The following SCAP variants were observed in gnomAD, a reference collection of about 807,000 sequenced individuals.
SCAP encodes the protein sterol regulatory element-binding protein cleavage-activating protein.
Under a neutral mutation model 123.6 loss-of-function variants are expected in SCAP, and 65 were observed. The observed-to-expected ratio is 0.53, with a 90% confidence interval of 0.43 to 0.65. The LOEUF (loss-of-function observed/expected upper bound fraction) is 0.65, where lower values mean the gene tolerates loss of function less well. SCAP is among the 30% of genes least tolerant of loss of function. The pLI is 0.00. For synonymous variants in SCAP, 740 were observed against 726.3 expected, an observed-to-expected ratio of 1.02 and a Z score of -0.30; for missense variants, 1,398 against 1,712.5, an observed-to-expected ratio of 0.82 and a Z score of 3.24.
chr3:47,414,491 GC>G (rs1222785782), intron 21 of SCAP, 80 bp downstream of exon 21: 16 of 1,596,642 alleles, frequency 1.0e-5, no homozygotes, highest in Non-Finnish European at 1.4e-5. Context: ...TTCCTGGAAG[GC>G]CCCTGGGGAC....
intron 1 of SCAP, 183 bp from the exon 2 acceptor site, chr3:47,443,274 ACACTCTCTCTCTCTCTCT>A (rs1468726566): frequency 3.4e-5 from 3 of 89,370 alleles, no homozygotes; most frequent in African/African-American, 2.1e-4. Flanking sequence ...ACACACACAC[ACACTCTCTCTCTCTCTCT>A]CTCTCTCTCT....
intron 3 of SCAP, among the ~76,000 whole-genome samples, chr3:47,430,544 C>T (rs897058006): frequency 6.6e-6 from 1 of 152,114 alleles, no homozygotes; most frequent in African/African-American, 2.4e-5. Context: ...ACATCTGCAC[C>T]AAGGAAACCT....
Position 47,427,172 on chromosome 3 carries a change from T to C in SCAP, c.722A>G (p.Gln241Arg). 1 of 1,613,502 alleles carries C rather than the reference T, an allele frequency of 6.2e-7. No homozygotes were observed. The highest frequency in any genetic ancestry group is 8.5e-7 in the Non-Finnish European group (1 of 1,179,504). Reference sequence around the variant, plus strand: ...TCAATCTTACTTGGCATGGTAGTGCTGGAAGACCAGGGTGATGGTGTAGGA... The same window carrying C: ...TCAATCTTACTTGGCATGGTAGTGCCGGAAGACCAGGGTGATGGTGTAGGA... ...MVSYTITLVF[Q>R]HYHAKFLGSL... The change falls in exon 6 of 23, where the codon CAG becomes CGG. Residue 241 changes from glutamine (Q) to arginine (R), a missense_variant. By Grantham distance (43) the Gln-to-Arg change is conservative. Transcript: ENST00000265565.
Position 47,417,768 on chromosome 3 carries a change from G to A in SCAP, c.2506C>T (p.Arg836Ter), listed in dbSNP as rs1705664870. ...CCAGCCTTCCCACCATCTGAAAGTC[G>A]TTCCCAGCTCTCCTGAGCCTCAAGC... is the stretch of plus-strand genomic sequence containing the variant. ...SGLEAQESWERLSDGGKAGPE... is the reference protein window; with the variant it reads ...SGLEAQESWE The change falls in exon 17 of 23, where the codon CGA becomes TGA. Residue 836 changes from arginine (R) to a stop codon, truncating the protein, a stop_gained. Transcript: ENST00000265565. LOFTEE classifies it high-confidence loss of function. 3.1e-6 allele frequency: 5 copies of A among 1,591,932 alleles called. No homozygotes were observed. Among genetic ancestry groups the A allele is most frequent in the African/African-American group, 1.4e-5 (1 of 69,884 alleles).
intron 1 of SCAP, among the ~76,000 whole-genome samples, chr3:47,455,941 G>C (rs1707408314): frequency 6.6e-6 from 1 of 152,166 alleles, no homozygotes; most frequent in Non-Finnish European, 1.5e-5. Context: ...ACAGATTAAT[G>C]TAACAGAACA....
chr3:47,457,458 G>A (rs148778273), intron 1 of SCAP, among the ~76,000 whole-genome samples: 40 of 152,240 alleles, frequency 2.6e-4, no homozygotes, highest in African/African-American at 6.0e-4. Context: ...ATCACCTTGT[G>A]TTCCCTAGAG....
chr3:47,456,779 C>T (rs756105237), intron 1 of SCAP, among the ~76,000 whole-genome samples: 6 of 151,052 alleles, frequency 4.0e-5, no homozygotes, highest in African/African-American at 9.7e-5. Flanking sequence ...AGCGAGACTC[C>T]GTCTCAAAAA....
At chr3:47,458,742 T>C (rs939771183) in intron 1 of SCAP, among the ~76,000 whole-genome samples, 6 of 152,250 alleles carry the variant, frequency 3.9e-5, no homozygotes, top group Non-Finnish European at 7.3e-5. Context: ...TACTCCCTCT[T>C]GACCTGGTCA....
intron 2 of SCAP, among the ~76,000 whole-genome samples, 199 bp downstream of exon 2, chr3:47,442,673 G>T (rs1369993499): frequency 1.3e-5 from 2 of 152,202 alleles, no homozygotes; most frequent in Non-Finnish European, 2.9e-5. Context: ...TGAATCAGTA[G>T]GTCAGGGCCA....
chr3:47,460,468 T>C lies in SCAP; in HGVS notation c.-99+15331A>G, dbSNP rs1314898343. ...ATTAAAATGAAATCTTCACCATTTA[T>C]GTTCCTCTGCCGCGGCTCCAGCCAG... is the stretch of plus-strand genomic sequence containing the variant. On this transcript the variant is annotated intron_variant, in intron 1 of 22. Coordinates refer to ENST00000265565, the MANE Select transcript of SCAP (RefSeq NM_012235.4). Among the ~76,000 whole-genome samples, 5 of 152,240 alleles carry C rather than the reference T, an allele frequency of 3.3e-5. No homozygotes were observed. In the South Asian group the frequency reaches 1.0e-3, roughly 31 times the overall value.
chr3:47,427,752 T>C (rs1042158839), intron 4 of SCAP, 85 bp from the exon 5 acceptor site: 1 of 1,178,388 alleles, frequency 8.5e-7, no homozygotes, highest in South Asian at 1.4e-5. Flanking sequence ...CTCTGTCTGT[T>C]CTTCAATGCC....
chr3:47,432,335 A>G (rs1034492433), intron 3 of SCAP, among the ~76,000 whole-genome samples: 81 of 151,636 alleles, frequency 5.3e-4, no homozygotes, highest in Non-Finnish European at 1.0e-3. Context: ...AAAAAAAAGA[A>G]AAGAAAAAGG....
rs1314114706 is a variant in SCAP, at chr3:47,424,032, AGGGGAAAATCTCGCT to A, written c.1038-2_1050del. 6.2e-7 allele frequency: 1 copy of A among 1,613,858 alleles called. No homozygotes were observed. Among genetic ancestry groups the A allele is most frequent in the Non-Finnish European group, 8.5e-7 (1 of 1,179,754 alleles). On this transcript the variant is annotated splice_acceptor_variant and coding_sequence_variant, in exon 9 of 23. Transcript: ENST00000265565. LOFTEE classifies it high-confidence loss of function. Reference sequence around the variant, plus strand: ...TCTAACCCAATAACCACCACAAGGTAGGGGAAAATCTCGCTGGGGACAGAGAAGGAGAAGGTGAGG... The same window carrying A: ...TCTAACCCAATAACCACCACAAGGTAGGGGACAGAGAAGGAGAAGGTGAGG...
chr3:47,417,333 C>T lies in SCAP; in HGVS notation c.2941G>A (p.Val981Met), dbSNP rs1232388951. The T allele has an allele frequency of 3.1e-6, 5 of 1,612,086 alleles. No homozygotes were observed. The highest frequency in any genetic ancestry group is 1.1e-5 in the South Asian group (1 of 90,994). ...WSLELQGNLIVVGRSSGRLEV... is the reference protein window; with the variant it reads ...WSLELQGNLIMVGRSSGRLEV... ...AGCCGGCCGCTGCTCCGCCCCACCA[C>T]GATGAGGTTGCCCTGCAGCTCCAAG... is the stretch of plus-strand genomic sequence containing the variant. The change falls in exon 17 of 23, where the codon GTG becomes ATG. Residue 981 changes from valine (V) to methionine (M), a missense_variant. Coordinates refer to ENST00000265565, the MANE Select transcript of SCAP (RefSeq NM_012235.4).
chr3:47,428,684 G>A lies in SCAP; in HGVS notation c.253-14C>T, dbSNP rs750980451. 6 of 1,612,832 alleles carry A rather than the reference G, an allele frequency of 3.7e-6. No homozygotes were observed. The highest frequency in any genetic ancestry group is 1.6e-4 in the Middle Eastern group (1 of 6,080). On this transcript the variant is annotated splice_polypyrimidine_tract_variant and intron_variant, in intron 3 of 22. Coordinates refer to ENST00000265565, the MANE Select transcript of SCAP (RefSeq NM_012235.4). ...GGCACCCACATACTGCAGAAGAAAT[G>A]AGGGAGGGCAGAAAGGGCAGCTGAG...
intron 1 of SCAP, among the ~76,000 whole-genome samples, chr3:47,474,741 G>A (rs939239170): frequency 2.0e-5 from 3 of 152,122 alleles, no homozygotes; most frequent in Non-Finnish European, 4.4e-5. Flanking sequence ...AGGCTGCAGT[G>A]AGCCGAGATC....
At chr3:47,437,422 C>CAAAAAAAAAAAAAA (rs35011639) in intron 2 of SCAP, among the ~76,000 whole-genome samples, 9 of 63,184 alleles carry the variant, frequency 1.4e-4, no homozygotes, top group African/African-American at 6.2e-4. Context: ...AACTCAATCT[C>CAAAAAAAAAAAAAA]AAAAAAAAAA....
intron 1 of SCAP, among the ~76,000 whole-genome samples, chr3:47,448,355 ATGTG>A (rs149172776): frequency 1.3e-5 from 2 of 151,246 alleles, no homozygotes; most frequent in Admixed American, 6.6e-5. Flanking sequence ...GTCTTTCTGC[ATGTG>A]TGTGTGTGTG....
intron 2 of SCAP, among the ~76,000 whole-genome samples, chr3:47,436,722 T>C (rs1352863710): frequency 2.0e-5 from 3 of 151,620 alleles, no homozygotes; most frequent in Admixed American, 2.0e-4. Context: ...ATAACTTCTA[T>C]ATAGTACAAT....
Sources: allele counts gnomAD v4.1 joint callset (sites outside exome capture counted in the v4.1 genomes callset), GRCh38; gene constraint gnomAD v4.1.1; transcripts MANE v1.5; gene names NCBI Gene and HGNC (gene_info 2026-07-23, HGNC 2026-07-21).